Variants in SLC25A12 observed in about 807,000 individuals in gnomAD.
The protein encoded by SLC25A12 is solute carrier family 25 member 12.
SLC25A12 carries 32 observed loss-of-function variants against 83.3 expected under a neutral mutation model. That is an observed-to-expected ratio of 0.38 (90% CI 0.29 to 0.52). SLC25A12 has a LOEUF of 0.52. SLC25A12 is among the 20% of genes least tolerant of loss of function. The pLI, the probability that SLC25A12 is intolerant of heterozygous loss-of-function variation, is 0.84. For missense variants in SLC25A12, 611 were observed against 835.6 expected (o/e 0.73, Z 3.31); for synonymous variants, 267 against 291.1 (o/e 0.92, Z 0.84).
At chr2:171,831,072 G>A (rs1040766732) in intron 8 of SLC25A12, among the ~76,000 whole-genome samples, 1 of 152,232 alleles carries the variant, frequency 6.6e-6, no homozygotes, top group Admixed American at 6.5e-5. Context: ...AGCTCTATGT[G>A]AACGTGAATT....
At chr2:171,812,217 T>G (rs1347115422) in intron 11 of SLC25A12, among the ~76,000 whole-genome samples, 1 of 152,172 alleles carries the variant, frequency 6.6e-6, no homozygotes, top group Non-Finnish European at 1.5e-5. Flanking sequence ...AAAATGAACA[T>G]CCTTGTGACC....
At chr2:171,789,432 G>T (rs890340453) in intron 15 of SLC25A12, among the ~76,000 whole-genome samples, 3 of 152,094 alleles carry the variant, frequency 2.0e-5, no homozygotes, top group African/African-American at 4.8e-5. Context: ...GTTTCACCGT[G>T]TTAGCCAGGA....
chr2:171,824,376 A>G (rs565775859), intron 9 of SLC25A12, among the ~76,000 whole-genome samples: 56 of 152,214 alleles, frequency 3.7e-4, no homozygotes, highest in Non-Finnish European at 6.9e-4. Context: ...GAAAATTGCT[A>G]GGGGCAAGAG....
intron 11 of SLC25A12, among the ~76,000 whole-genome samples, chr2:171,811,437 C>T (rs1054831164): frequency 6.6e-6 from 1 of 152,174 alleles, no homozygotes; most frequent in Admixed American, 6.5e-5. Flanking sequence ...ACCATGTCAG[C>T]ATGCATATTT....
At chr2:171,893,295 T>G in intron 1 of SLC25A12, 37 bp from the exon 2 acceptor site, 1 of 1,558,496 alleles carries the variant, frequency 6.4e-7, no homozygotes, top group Non-Finnish European at 8.9e-7. Flanking sequence ...AGTTAATGCT[T>G]CACTAGAGAC....
At chr2:171,873,135 T>C (rs1167633607) in intron 2 of SLC25A12, among the ~76,000 whole-genome samples, 3 of 152,118 alleles carry the variant, frequency 2.0e-5, no homozygotes, top group Non-Finnish European at 4.4e-5. Context: ...ACAGGGAGAC[T>C]GGTAAGTGGC....
At chr2:171,828,650 AT>A (rs1347054212) in intron 8 of SLC25A12, among the ~76,000 whole-genome samples, 1 of 151,928 alleles carries the variant, frequency 6.6e-6, no homozygotes, top group Non-Finnish European at 1.5e-5. Flanking sequence ...CTATTATTTC[AT>A]TTTTCATGCC....
rs1213575719 is a variant in SLC25A12, at chr2:171,870,265, CTT to C, written c.67-1444_67-1443del. On this transcript the variant is annotated intron_variant, in intron 2 of 17. Coordinates refer to ENST00000422440, the MANE Select transcript of SLC25A12 (RefSeq NM_003705.5). ...AAATAGAAAATATCATAATCCATGACTTGGCTCAAAATAAACAGTATTTATAG... is the reference window on the plus strand; with the variant it reads ...AAATAGAAAATATCATAATCCATGACGGCTCAAAATAAACAGTATTTATAG... Among the ~76,000 whole-genome samples the C allele has an allele frequency of 2.0e-5, 3 of 152,118 alleles. No homozygotes were observed. The East Asian group carries it at 5.8e-4, about 29-fold the overall frequency.
At chr2:171,865,267 G>A (rs963997209) in intron 3 of SLC25A12, among the ~76,000 whole-genome samples, 5 of 151,522 alleles carry the variant, frequency 3.3e-5, no homozygotes, top group Admixed American at 6.6e-5. Context: ...ATATTTTTTC[G>A]AAAAAAAGAA....
At chr2:171,819,111 A>T (rs1314898822) in intron 9 of SLC25A12, among the ~76,000 whole-genome samples, 1 of 140,326 alleles carries the variant, frequency 7.1e-6, no homozygotes, top group East Asian at 2.0e-4. Flanking sequence ...TACATAAAAT[A>T]TATATATAAT....
intron 3 of SLC25A12, among the ~76,000 whole-genome samples, chr2:171,867,979 G>A (rs898995519): frequency 2.6e-5 from 4 of 151,960 alleles, no homozygotes; most frequent in African/African-American, 7.2e-5. Context: ...CAAGTAGCTG[G>A]GACTACAGGC....
intron 2 of SLC25A12, among the ~76,000 whole-genome samples, chr2:171,882,837 T>G (rs1287112008): frequency 6.6e-6 from 1 of 152,086 alleles, no homozygotes; most frequent in Non-Finnish European, 1.5e-5. Flanking sequence ...AAAAAAAATA[T>G]GTATTTTTTC....
At chr2:171,829,903 A>G (rs1684393892) in intron 8 of SLC25A12, among the ~76,000 whole-genome samples, 1 of 152,250 alleles carries the variant, frequency 6.6e-6, no homozygotes, top group South Asian at 2.1e-4. Flanking sequence ...AACTGGGACT[A>G]TAACACCCCC....
intron 10 of SLC25A12, 106 bp from the exon 11 acceptor site, chr2:171,813,603 G>A: frequency 8.3e-7 from 1 of 1,197,768 alleles, no homozygotes; most frequent in Middle Eastern, 2.5e-4. Context: ...AACACAACAT[G>A]TATTCTCACA....
chr2:171,804,781 A>G (rs560702491), intron 13 of SLC25A12, among the ~76,000 whole-genome samples: 83 of 152,200 alleles, frequency 5.5e-4, no homozygotes, highest in African/African-American at 1.6e-3. Context: ...GGTGGCACAC[A>G]CCTGCAGTCC....
intron 2 of SLC25A12, among the ~76,000 whole-genome samples, chr2:171,884,980 G>C (rs923064783): frequency 6.6e-6 from 1 of 152,106 alleles, no homozygotes; most frequent in South Asian, 2.1e-4. Flanking sequence ...TTGGGAGGCC[G>C]AGGAGGGTGG....
At chr2:171,860,078 A>T (rs1685122953) in intron 3 of SLC25A12, among the ~76,000 whole-genome samples, 1 of 152,120 alleles carries the variant, frequency 6.6e-6, no homozygotes, top group Admixed American at 6.6e-5. Context: ...CTTGGATATG[A>T]TAATGGTTGC....
At chr2:171,877,770 A>T (rs552574115) in intron 2 of SLC25A12, among the ~76,000 whole-genome samples, 4 of 152,282 alleles carry the variant, frequency 2.6e-5, no homozygotes, top group Admixed American at 2.6e-4. Context: ...CTAAGAAAAA[A>T]AGGTTAACTT....
At chr2:171,816,292 T>C (rs1684049694) in intron 9 of SLC25A12, among the ~76,000 whole-genome samples, 1 of 151,952 alleles carries the variant, frequency 6.6e-6, no homozygotes. Flanking sequence ...TCTCAAACTC[T>C]TGAGCTCAAG....
Sources: gnomAD v4.1 joint callset for allele counts (sites outside exome capture counted in the v4.1 genomes callset) on GRCh38, gnomAD v4.1.1 for gene constraint, MANE v1.5 for transcripts, NCBI Gene and HGNC (gene_info 2026-07-23, HGNC 2026-07-21) for gene names.